ARHGEF10: variants seen among roughly 807,000 people sequenced by gnomAD.
ARHGEF10 encodes the protein Rho guanine nucleotide exchange factor 10, also known as Rho guanine nucleotide exchange factor (GEF) 10.
Under a neutral mutation model 147.4 loss-of-function variants are expected in ARHGEF10, and 140 were observed. That is an observed-to-expected ratio of 0.95 (90% CI 0.83 to 1.09). ARHGEF10 has a LOEUF of 1.09. Ranked by LOEUF, ARHGEF10 falls within the 50% of genes least tolerant of loss-of-function variation. ARHGEF10 has a pLI of 0.00. For synonymous variants in ARHGEF10, 902 were observed against 695.8 expected, an observed-to-expected ratio of 1.30 and a Z score of -4.67; for missense variants, 2,222 against 1,752.7, an observed-to-expected ratio of 1.27 and a Z score of -4.78.
chr8:1,910,263 G>A (rs542824613), intron 18 of ARHGEF10, among the ~76,000 whole-genome samples: 1 of 152,292 alleles, frequency 6.6e-6, no homozygotes, highest in South Asian at 2.1e-4. Context: ...ATGTTCAGAA[G>A]CAAGGAAACC....
At position 1,952,779 on chromosome 8, in the gene ARHGEF10, C is replaced by G; in HGVS notation, c.3472C>G (p.Leu1158Val). The G allele has an allele frequency of 6.2e-7, 1 of 1,613,668 alleles. No individual in the cohort carries two copies. The highest frequency in any genetic ancestry group is 8.5e-7 in the Non-Finnish European group (1 of 1,180,050). ...LLMVGTSLGV[L>V]VALPVPRLQG... ...GATGGTCGGCACCAGCCTGGGAGTC[C>G]TCGTGGCCCTGCCGGTCCCACGTCT... is the stretch of plus-strand genomic sequence containing the variant. Residue 1158 changes from leucine to valine, a missense_variant, in exon 28 of 29, where the codon CTC becomes GTC. Coordinates refer to ENST00000349830, the MANE Select transcript of ARHGEF10 (RefSeq NM_014629.4).
intron 18 of ARHGEF10, among the ~76,000 whole-genome samples, chr8:1,914,334 G>A (rs931263582): frequency 5.3e-5 from 8 of 152,208 alleles, no homozygotes; most frequent in African/African-American, 4.8e-5. Flanking sequence ...TCTGAGCAGC[G>A]CGTCCAGCCA....
At chr8:1,944,308 C>T (rs1462281843) in intron 26 of ARHGEF10, among the ~76,000 whole-genome samples, 1 of 151,516 alleles carries the variant, frequency 6.6e-6, no homozygotes, top group Non-Finnish European at 1.5e-5. Context: ...ACAGTCCTCT[C>T]CTCAGCTCTC....
At chr8:1,916,772 TTCTC>T (rs2129197474) in intron 18 of ARHGEF10, among the ~76,000 whole-genome samples, 1 of 152,352 alleles carries the variant, frequency 6.6e-6, no homozygotes, top group Non-Finnish European at 1.5e-5. Flanking sequence ...ATTACCCTCT[TTCTC>T]CTGGGAATTA....
intron 25 of ARHGEF10, among the ~76,000 whole-genome samples, chr8:1,930,251 C>G (rs1462181734): frequency 2.0e-5 from 3 of 152,080 alleles, no homozygotes; most frequent in Non-Finnish European, 4.4e-5. Context: ...GCACCACCCT[C>G]CCCACGGCCG....
intron 13 of ARHGEF10, 92 bp from the exon 14 acceptor site, chr8:1,896,241 T>A: frequency 1.1e-6 from 1 of 941,222 alleles, no homozygotes. Flanking sequence ...CGAAAGAGTA[T>A]TTTGAGGGCG....
At chr8:1,894,704 C>G (rs2129158115) in intron 13 of ARHGEF10, 132 bp downstream of exon 13, 3 of 1,026,724 alleles carry the variant, frequency 2.9e-6, no homozygotes, top group Admixed American at 2.0e-5. Context: ...AAAGGCCAGG[C>G]TGAAGTTGCA....
intron 2 of ARHGEF10, among the ~76,000 whole-genome samples, chr8:1,851,119 T>C (rs1302786661): frequency 5.9e-5 from 9 of 151,976 alleles, no homozygotes; most frequent in Admixed American, 5.9e-4. Context: ...ATTACACGCC[T>C]GTCCAAACCC....
At chr8:1,882,833 G>A (rs1808332741) in intron 10 of ARHGEF10, 84 bp downstream of exon 10, 6 of 607,564 alleles carry the variant, frequency 9.9e-6, no homozygotes, top group South Asian at 9.0e-5. Context: ...CGGGGTGGGG[G>A]GCGGCCGCGC....
intron 25 of ARHGEF10, among the ~76,000 whole-genome samples, chr8:1,932,795 C>T (rs1813259426): frequency 1.3e-5 from 2 of 152,192 alleles, no homozygotes; most frequent in South Asian, 4.1e-4. Context: ...TTCAAAGGTT[C>T]AGTGCTTGAA....
intron 18 of ARHGEF10, among the ~76,000 whole-genome samples, chr8:1,919,506 A>G (rs750223536): frequency 2.9e-4 from 41 of 143,442 alleles, no homozygotes; most frequent in Non-Finnish European, 5.5e-4. Context: ...TCCGTGGGTG[A>G]TGGAGCTATT....
At chr8:1,901,639 T>C (rs1810471301) in intron 15 of ARHGEF10, among the ~76,000 whole-genome samples, 2 of 152,264 alleles carry the variant, frequency 1.3e-5, no homozygotes, top group Admixed American at 6.5e-5. Context: ...GCCCGGCGGA[T>C]GCCCCCGGCT....
rs151082905 is a variant in ARHGEF10, at chr8:1,862,558, C to T, written c.482-1815C>T. Among the ~76,000 whole-genome samples, 738 of 152,280 alleles carry T rather than the reference C, an allele frequency of 4.8e-3. 1 individual carries two copies. Among genetic ancestry groups the T allele is most frequent in the Middle Eastern group, 0.048 (14 of 294 alleles). On this transcript the variant is annotated intron_variant, in intron 4 of 28. Coordinates refer to ENST00000349830, the MANE Select transcript of ARHGEF10 (RefSeq NM_014629.4). ...GTTTGCACCTTAATTTCCCGGAAGGCGGAGGAAAGAAGAGTTTCCTGGGGT... is the reference window on the plus strand; with the variant it reads ...GTTTGCACCTTAATTTCCCGGAAGGTGGAGGAAAGAAGAGTTTCCTGGGGT...
chr8:1,908,186 G>A (rs1811053282), intron 17 of ARHGEF10, among the ~76,000 whole-genome samples: 1 of 150,386 alleles, frequency 6.6e-6, no homozygotes, highest in Admixed American at 6.6e-5. Context: ...TCAGTCCAAT[G>A]CATAGCACCC....
At chr8:1,914,144 C>T (rs1463341205) in intron 18 of ARHGEF10, among the ~76,000 whole-genome samples, 1 of 152,236 alleles carries the variant, frequency 6.6e-6, no homozygotes, top group East Asian at 1.9e-4. Flanking sequence ...TAGAAGTGAG[C>T]CCGGCCGAAG....
At chr8:1,880,295 G>T (rs942183271) in intron 9 of ARHGEF10, 131 bp downstream of exon 9, 1 of 701,764 alleles carries the variant, frequency 1.4e-6, no homozygotes, top group African/African-American at 1.7e-5. Context: ...GGAATCCCCC[G>T]ACGCTTTGGG....
intron 18 of ARHGEF10, among the ~76,000 whole-genome samples, chr8:1,913,136 G>A (rs1811501524): frequency 1.3e-5 from 2 of 152,142 alleles, no homozygotes; most frequent in Non-Finnish European, 2.9e-5. Context: ...AGGAGTTGTG[G>A]GGGTGGGTGG....
intron 15 of ARHGEF10, among the ~76,000 whole-genome samples, chr8:1,901,490 T>C (rs529667208): frequency 1.3e-5 from 2 of 152,234 alleles, no homozygotes; most frequent in Admixed American, 6.5e-5. Flanking sequence ...GAAACATCCA[T>C]TGGCCCTGTG....
chr8:1,837,155 A>G (rs1019927793), intron 1 of ARHGEF10, among the ~76,000 whole-genome samples: 2 of 152,216 alleles, frequency 1.3e-5, no homozygotes, highest in African/African-American at 4.8e-5. Context: ...TCTGCCTGAG[A>G]CTTGTGTATG....
Sources: allele counts gnomAD v4.1 joint callset (sites outside exome capture counted in the v4.1 genomes callset), GRCh38; gene constraint gnomAD v4.1.1; transcripts MANE v1.5; gene names NCBI Gene and HGNC (gene_info 2026-07-23, HGNC 2026-07-21).